SLC12A6: variants seen among roughly 807,000 people sequenced by gnomAD.
SLC12A6 encodes the protein K-Cl cotransporter 3.
A neutral mutation model predicts 135.3 loss-of-function variants in SLC12A6; 66 were observed. The ratio of observed to expected loss-of-function variants is 0.49; its 90% CI spans 0.40 to 0.60. The LOEUF (loss-of-function observed/expected upper bound fraction) is 0.60. SLC12A6 is among the 20% of genes least tolerant of loss of function. The probability of loss-of-function intolerance (pLI) is 0.00; values close to 1 mark genes in which losing one functional copy is unlikely to be tolerated. For missense variants in SLC12A6, 1,058 were observed against 1,452.3 expected (o/e 0.73, Z 4.41); for synonymous variants, 513 against 508.8 (o/e 1.01, Z -0.11).
At chr15:34,250,439 T>C in intron 12 of SLC12A6, 84 bp from the exon 13 acceptor site, 1 of 941,910 alleles carries the variant, frequency 1.1e-6, no homozygotes. Context: ...CTTTCTTCTG[T>C]CAGTAAAATG....
chr15:34,289,177 C>G (rs1025945127), intron 2 of SLC12A6, among the ~76,000 whole-genome samples: 1 of 152,064 alleles, frequency 6.6e-6, no homozygotes, highest in African/African-American at 2.4e-5. Context: ...CTAGTTTATT[C>G]AGAGTTTTTA....
At chr15:34,253,352 C>T (rs1345428984) in intron 9 of SLC12A6, among the ~76,000 whole-genome samples, 1 of 152,118 alleles carries the variant, frequency 6.6e-6, no homozygotes, top group East Asian at 1.9e-4. Flanking sequence ...AAAGGTGAAC[C>T]TGAGACAAAA....
At chr15:34,233,995 AG>A (rs1043804124) in intron 25 of SLC12A6, 23 bp from the exon 26 acceptor site, 1 of 1,227,366 alleles carries the variant, frequency 8.1e-7, no homozygotes, top group African/African-American at 1.5e-5. Context: ...TCAAGGAGAC[AG>A]GCAAAAGAAG....
chr15:34,239,514 A>ACACGAT (rs1182533226), intron 19 of SLC12A6, among the ~76,000 whole-genome samples: 1 of 152,194 alleles, frequency 6.6e-6, no homozygotes, highest in African/African-American at 2.4e-5. Context: ...ACTATTGTGA[A>ACACGAT]CACGATCTCC....
intron 2 of SLC12A6, 24 bp from the exon 3 acceptor site, chr15:34,275,413 A>G: frequency 7.2e-7 from 1 of 1,384,494 alleles, no homozygotes; most frequent in Admixed American, 1.7e-5. Flanking sequence ...AATTGAAAAG[A>G]AAAGAAAAAA....
intron 14 of SLC12A6, 77 bp downstream of exon 14, chr15:34,245,616 T>C (rs1891927789): frequency 3.1e-6 from 4 of 1,289,042 alleles, no homozygotes; most frequent in Non-Finnish European, 4.5e-6. Flanking sequence ...TCTAGTAATT[T>C]CTAAGCCCAT....
At chr15:34,267,226 T>C (rs1566826197) in intron 3 of SLC12A6, among the ~76,000 whole-genome samples, 1 of 147,366 alleles carries the variant, frequency 6.8e-6, no homozygotes, top group Non-Finnish European at 1.5e-5. Context: ...ACGTTCCCAG[T>C]AGTCTCTTTT....
intron 16 of SLC12A6, among the ~76,000 whole-genome samples, 194 bp from the exon 17 acceptor site, chr15:34,242,415 T>C (rs529698700): frequency 1.1e-4 from 16 of 152,346 alleles, no homozygotes; most frequent in East Asian, 1.9e-4. Context: ...GCTGTAGCAA[T>C]GTCAAACTGC....
chr15:34,261,192 T>C (rs1893100865), intron 3 of SLC12A6, among the ~76,000 whole-genome samples, 172 bp from the exon 4 acceptor site: 1 of 152,130 alleles, frequency 6.6e-6, no homozygotes, highest in Admixed American at 6.5e-5. Flanking sequence ...AATAAAACTC[T>C]CCAGCAGGAA....
chr15:34,281,050 C>T (rs1410371151), intron 2 of SLC12A6, among the ~76,000 whole-genome samples: 2 of 151,642 alleles, frequency 1.3e-5, no homozygotes, highest in African/African-American at 2.4e-5. Context: ...TGGGTATGGG[C>T]GGAGGGCAGG....
chr15:34,259,624 G>A (rs1892979416), intron 4 of SLC12A6, among the ~76,000 whole-genome samples: 1 of 152,222 alleles, frequency 6.6e-6, no homozygotes, highest in Non-Finnish European at 1.5e-5. Context: ...GGGTGACAGA[G>A]CAAGACCCTG....
chr15:34,284,601 A>T (rs111979722), intron 2 of SLC12A6, among the ~76,000 whole-genome samples: 5,979 of 152,252 alleles, frequency 0.039, 220 homozygotes, highest in African/African-American at 0.099. Flanking sequence ...TAGCTCTTTC[A>T]TTAATGTATT....
chr15:34,261,434 T>A (rs926454657), intron 3 of SLC12A6, among the ~76,000 whole-genome samples: 7 of 151,942 alleles, frequency 4.6e-5, no homozygotes. Context: ...TAGCTGGGAG[T>A]ACAGGCACGC....
In SLC12A6 at chr15:34,242,207, A is replaced by T; in HGVS notation, c.2057T>A (p.Met686Lys). The stretch of plus-strand genomic sequence containing the variant: ...CAGAGCCAGACAGATACTCATTCCC[A>T]TGAAAGAAAGGGCCCTAGAAAATTA... ...FRYYHWALSFMGMSICLALMF... is the reference protein window; with the variant it reads ...FRYYHWALSFKGMSICLALMF... Residue 686 changes from methionine to lysine, a missense_variant, in exon 17 of 26, where the codon ATG becomes AAG. This residue lies in a region of SLC12A6 where 170 missense variants were observed against 297.6 expected (regional missense o/e 0.57). Transcript: ENST00000354181. The T allele has an allele frequency of 6.2e-7, 1 of 1,600,138 alleles. No homozygotes were observed.
At chr15:34,318,622 C>G (rs200355116) in intron 2 of SLC12A6, 5 of 1,613,544 alleles carry the variant, frequency 3.1e-6, no homozygotes, top group South Asian at 2.2e-5. Context: ...CTTGAGAGAT[C>G]GAAGCCGCTG....
intron 2 of SLC12A6, among the ~76,000 whole-genome samples, chr15:34,285,717 T>TGTGTATA (rs144158165): frequency 6.9e-5 from 9 of 131,110 alleles, no homozygotes; most frequent in African/African-American, 1.5e-4. Flanking sequence ...TGTGTGTTTG[T>TGTGTATA]CATACATAAA....
chr15:34,336,589 G>C lies in SLC12A6; in HGVS notation c.92C>G (p.Thr31Ser). ...KIDDIPGLSD[T>S]SPDLSSRSSS... ...AGATCGAGAGCTGAGGTCCGGACTGGTGTCTGACAAACCTGGAATGTCATC... is the reference window on the plus strand; with the variant it reads ...AGATCGAGAGCTGAGGTCCGGACTGCTGTCTGACAAACCTGGAATGTCATC... Residue 31 changes from threonine to serine, a missense_variant, in exon 2 of 26, where the codon ACC (threonine) becomes AGC (serine). Thr to Ser is a moderately conservative substitution (Grantham distance 58). Around this residue, in one of 6 missense-constraint regions of SLC12A6, gnomAD observed 176 missense variants for 168.9 expected, o/e 1.04. Coordinates refer to ENST00000354181, the MANE Select transcript of SLC12A6 (RefSeq NM_001365088.1). The C allele has an allele frequency of 6.2e-7, 1 of 1,613,750 alleles. No homozygotes were observed. The highest frequency in any genetic ancestry group is 1.1e-5 in the South Asian group (1 of 91,064).
At chr15:34,334,645 C>T (rs1218251030) in intron 2 of SLC12A6, among the ~76,000 whole-genome samples, 3 of 152,082 alleles carry the variant, frequency 2.0e-5, no homozygotes, top group African/African-American at 7.2e-5. Flanking sequence ...TCTCTAATGG[C>T]CAGACTATTA....
intron 2 of SLC12A6, among the ~76,000 whole-genome samples, chr15:34,303,328 T>C (rs1159850309): frequency 4.6e-5 from 7 of 152,228 alleles, no homozygotes; most frequent in Non-Finnish European, 1.0e-4. Flanking sequence ...TTATTATATA[T>C]ACTGTATTCT....
Sources: allele counts gnomAD v4.1 joint callset (sites outside exome capture counted in the v4.1 genomes callset), GRCh38; gene constraint gnomAD v4.1.1; regional missense constraint gnomAD v4.1.1; transcripts MANE v1.5; gene names NCBI Gene and HGNC (gene_info 2026-07-23, HGNC 2026-07-21).